Variants in ACMSD observed in about 807,000 individuals in gnomAD.
The protein encoded by ACMSD is 2-amino-3-carboxymuconate-6-semialdehyde decarboxylase.
ACMSD carries 37 observed loss-of-function variants against 45.9 expected under a neutral mutation model. The observed-to-expected ratio is 0.81, with a 90% confidence interval of 0.62 to 1.06. ACMSD has a LOEUF of 1.06. ACMSD is among the 50% of genes least tolerant of loss of function. The pLI is 0.00. For synonymous variants in ACMSD, 138 were observed against 148.8 expected (o/e 0.93, Z 0.53); for missense variants, 434 against 420.9 (o/e 1.03, Z -0.27).
At chr2:134,874,401 T>C (rs1011908245) in intron 8 of ACMSD, among the ~76,000 whole-genome samples, 1 of 152,204 alleles carries the variant, frequency 6.6e-6, no homozygotes, top group African/African-American at 2.4e-5. Context: ...TAATACTTCT[T>C]CATTCTAGTC....
intron 9 of ACMSD, among the ~76,000 whole-genome samples, chr2:134,899,916 G>C (rs191408328): frequency 6.6e-6 from 1 of 152,000 alleles, no homozygotes; most frequent in East Asian, 1.9e-4. Context: ...TTGTGAAAAA[G>C]AATCTTTATA....
chr2:134,859,306 C>T lies in ACMSD; in HGVS notation c.148C>T (p.Arg50Ter), dbSNP rs181857322. The T allele has an allele frequency of 2.9e-5, 46 of 1,613,912 alleles. No individual in the cohort carries two copies. In the East Asian group the frequency reaches 7.8e-4, roughly 27 times the overall value. ...LKDGKVFRVV[R>*]ENCWDPEVRI... is the part of the protein sequence containing the mutation. ...AGATGGGAAAGTCTTCAGAGTGGTG[C>T]GAGAGAATTGCTGGGATCCAGAAGT... Residue 50 changes from arginine to a stop codon, truncating the protein, a stop_gained, in exon 3 of 10, where the codon CGA becomes TGA. Transcript: ENST00000356140. LOFTEE classifies it high-confidence loss of function.
chr2:134,890,872 T>C (rs547624555), intron 8 of ACMSD, among the ~76,000 whole-genome samples: 1 of 152,062 alleles, frequency 6.6e-6, no homozygotes, highest in Non-Finnish European at 1.5e-5. Flanking sequence ...TTCCACCACA[T>C]TCATTAATCA....
chr2:134,853,167 T>TAAAAAAAAAAA (rs201350282), intron 2 of ACMSD, among the ~76,000 whole-genome samples: 2 of 106,560 alleles, frequency 1.9e-5, no homozygotes. Context: ...CATCTCAATC[T>TAAAAAAAAAAA]AAAAAAAAAA....
chr2:134,862,519 A>C (rs149254840), intron 4 of ACMSD, among the ~76,000 whole-genome samples: 6 of 152,258 alleles, frequency 3.9e-5, no homozygotes, highest in Non-Finnish European at 8.8e-5. Flanking sequence ...CAGCCTGTGG[A>C]GGAAAATTTT....
chr2:134,866,855 T>G (rs1029574098), intron 5 of ACMSD, among the ~76,000 whole-genome samples: 1 of 152,240 alleles, frequency 6.6e-6, no homozygotes, highest in Admixed American at 6.5e-5. Context: ...AGCATGCCTA[T>G]GACATTCATG....
chr2:134,874,973 T>C (rs1350167792), intron 8 of ACMSD, among the ~76,000 whole-genome samples: 1 of 152,160 alleles, frequency 6.6e-6, no homozygotes, highest in Admixed American at 6.5e-5. Context: ...CGATGCATGC[T>C]AAAATGGTAA....
intron 2 of ACMSD, among the ~76,000 whole-genome samples, chr2:134,847,450 A>AGG (rs55865080): frequency 5.3e-4 from 69 of 131,402 alleles, no homozygotes; most frequent in African/African-American, 1.9e-3. Context: ...ATAGATAGAT[A>AGG]TAGATAGAGA....
chr2:134,880,999 C>T (rs1361194919), intron 8 of ACMSD, among the ~76,000 whole-genome samples: 1 of 152,056 alleles, frequency 6.6e-6, no homozygotes, highest in Non-Finnish European at 1.5e-5. Context: ...ATATGTTATT[C>T]ACTTTCTTTA....
chr2:134,876,789 C>CT (rs377213522), intron 8 of ACMSD, among the ~76,000 whole-genome samples: 2 of 152,020 alleles, frequency 1.3e-5, no homozygotes, highest in Admixed American at 6.6e-5. Flanking sequence ...CTGTGCTATA[C>CT]TTTTTTTTCT....
At chr2:134,845,161 G>A in intron 1 of ACMSD, 72 bp from the exon 2 acceptor site, 1 of 1,516,568 alleles carries the variant, frequency 6.6e-7, no homozygotes, top group East Asian at 2.2e-5. Context: ...AGGATCTTCT[G>A]CACTTAGCAT....
At chr2:134,848,894 T>C (rs1327862211) in intron 2 of ACMSD, among the ~76,000 whole-genome samples, 1 of 152,214 alleles carries the variant, frequency 6.6e-6, no homozygotes, top group Non-Finnish European at 1.5e-5. Context: ...CATCACTGTC[T>C]CTGAGGCAGC....
At chr2:134,878,187 C>G (rs994773767) in intron 8 of ACMSD, among the ~76,000 whole-genome samples, 10 of 152,214 alleles carry the variant, frequency 6.6e-5, no homozygotes, top group African/African-American at 2.2e-4. Context: ...TACTTGCTAT[C>G]CTTTCCATTC....
intron 8 of ACMSD, among the ~76,000 whole-genome samples, chr2:134,897,078 T>G (rs1360539982): frequency 6.6e-6 from 1 of 152,060 alleles, no homozygotes; most frequent in African/African-American, 2.4e-5. Flanking sequence ...TACACAAACT[T>G]ATGAATATAC....
rs533861141 is a variant in ACMSD at position 134,845,105 on chromosome 2, A to C, written c.58-128A>C. On this transcript the variant is annotated intron_variant, in intron 1 of 9. Transcript: ENST00000356140. ...ATTGTAAATACTAAATAGGCGATAC[A>C]TGGGTATGGGGGAAATGGGAAGGCA... 1.4e-5 allele frequency: 12 copies of C among 864,108 alleles called. No homozygotes were observed. In the African/African-American group the frequency reaches 1.8e-4, roughly 13 times the overall value. 53.5% of individuals were successfully genotyped at this position (864,108 alleles called of 1,614,324 possible). A position where few individuals can be genotyped will look rare whatever the true frequency, so the allele number is the denominator to read the frequency against.
chr2:134,869,653 C>A (rs1688321797), intron 6 of ACMSD, among the ~76,000 whole-genome samples: 1 of 151,896 alleles, frequency 6.6e-6, no homozygotes, highest in South Asian at 2.1e-4. Flanking sequence ...ACAAACAAAA[C>A]CTCTGCCTTC....
intron 8 of ACMSD, among the ~76,000 whole-genome samples, chr2:134,878,969 T>C (rs1052773874): frequency 6.6e-6 from 1 of 152,238 alleles, no homozygotes; most frequent in African/African-American, 2.4e-5. Context: ...AGAAGCCCTT[T>C]TTGTTTGACT....
At chr2:134,854,233 C>T (rs1383249978) in intron 2 of ACMSD, among the ~76,000 whole-genome samples, 1 of 152,166 alleles carries the variant, frequency 6.6e-6, no homozygotes, top group Non-Finnish European at 1.5e-5. Context: ...TGCTCTCTGG[C>T]CTGGTGCTAA....
chr2:134,884,849 G>C (rs1689231954), intron 8 of ACMSD, among the ~76,000 whole-genome samples: 1 of 152,114 alleles, frequency 6.6e-6, no homozygotes, highest in Admixed American at 6.6e-5. Flanking sequence ...AGAAATCAAA[G>C]TGTCATTTAT....
Sources: allele counts gnomAD v4.1 joint callset (sites outside exome capture counted in the v4.1 genomes callset), GRCh38; gene constraint gnomAD v4.1.1; transcripts MANE v1.5; gene names NCBI Gene and HGNC (gene_info 2026-07-23, HGNC 2026-07-21).